The following GDPD2 variants were observed in gnomAD, a reference collection of about 807,000 sequenced individuals.
GDPD2 encodes glycerophosphodiester phosphodiesterase domain containing 2, also known as glycerophosphodiester phosphodiesterase 3.
Under a neutral mutation model 49.2 loss-of-function variants are expected in GDPD2, and 23 were observed. The observed-to-expected ratio is 0.47, with a 90% confidence interval of 0.34 to 0.66. The LOEUF (loss-of-function observed/expected upper bound fraction) is 0.66, where lower values mean the gene tolerates loss of function less well. Among genes scored for constraint, GDPD2 ranks in the 30% least tolerant of loss-of-function variants. The pLI is 0.01. For missense variants in GDPD2, 338 were observed against 424.7 expected, an observed-to-expected ratio of 0.80 and a Z score of 1.79; for synonymous variants, 167 against 171.4, an observed-to-expected ratio of 0.97 and a Z score of 0.20.
At chrX:70,432,546 T>A (rs934808429) in intron 13 of GDPD2, 33 bp from the exon 14 acceptor site, 2 of 1,165,443 alleles carry the variant, frequency 1.7e-6, no homozygotes, top group Non-Finnish European at 2.3e-6. Flanking sequence ...TCCCCTGACA[T>A]TCTACCCTTG....
Position 70,433,111 on chromosome X carries a change from A to T in GDPD2, c.*25A>T. The T allele has an allele frequency of 8.8e-7, 1 of 1,130,748 alleles. No individual in the cohort carries two copies. The highest frequency in any genetic ancestry group is 1.2e-6 in the Non-Finnish European group (1 of 824,928). The allele number at this position is 1,130,748 out of a possible 1,213,427, so 93.2% of individuals were successfully genotyped here. A position where few individuals can be genotyped will look rare whatever the true frequency, so the allele number is the denominator to read the frequency against. Reference sequence around the variant, plus strand: ...AATGCCCTGCCCTGCTTCCCCACCCAAGCCAGTCTACATTGCCCAAACAGC... The same window carrying T: ...AATGCCCTGCCCTGCTTCCCCACCCTAGCCAGTCTACATTGCCCAAACAGC... On this transcript the variant is annotated 3_prime_UTR_variant, in exon 16 of 16. Transcript: ENST00000374382.
chrX:70,425,984 G>A (rs2086419686), intron 4 of GDPD2, 68 bp from the exon 5 acceptor site: 1 of 990,742 alleles, frequency 1.0e-6, no homozygotes. Context: ...TACCAGCCTG[G>A]GAAGCCCACC....
intron 5 of GDPD2, 52 bp downstream of exon 5, chrX:70,426,163 T>G: frequency 9.6e-7 from 1 of 1,045,571 alleles, no homozygotes; most frequent in African/African-American, 1.8e-5. Flanking sequence ...GCTCAGCACT[T>G]GGCTGGCTAT....
intron 12 of GDPD2, chrX:70,431,003 G>T: frequency 2.0e-6 from 1 of 510,600 alleles, no homozygotes; most frequent in Non-Finnish European, 3.3e-6. Context: ...GCCCAGGCTG[G>T]TCTCAAACTA....
intron 5 of GDPD2, 81 bp from the exon 6 acceptor site, chrX:70,426,290 C>T (rs2086422970): frequency 2.3e-6 from 2 of 887,863 alleles, no homozygotes; most frequent in Non-Finnish European, 3.2e-6. Context: ...GGTCGGGTCC[C>T]ATCTCTATAG....
rs750390154 is a variant in GDPD2 at position 70,429,730 on chromosome X, C to A, written c.1158+16C>A. The A allele has an allele frequency of 8.9e-6, 10 of 1,125,408 alleles. No homozygotes were observed. The South Asian group carries it at 1.5e-4, about 17-fold the overall frequency. 92.7% of individuals were successfully genotyped at this position (1,125,408 alleles called of 1,213,427 possible). On this transcript the variant is annotated intron_variant, in intron 11 of 15. Coordinates refer to ENST00000374382, the MANE Select transcript of GDPD2 (RefSeq NM_017711.4). ...CCAAGCCATGGTGATGTTGCCAGGA[C>A]CCCCTCTCCCCACCCTGCCTTCCCT... is the stretch of plus-strand genomic sequence containing the variant.
intron 12 of GDPD2, 79 bp from the exon 13 acceptor site, chrX:70,432,228 A>C: frequency 1.1e-6 from 1 of 895,215 alleles, no homozygotes. Context: ...TGTAGATTCA[A>C]GCACAGGCAG....
chrX:70,426,197 C>T (rs1032929360), intron 5 of GDPD2, 86 bp downstream of exon 5: 20 of 903,781 alleles, frequency 2.2e-5, no homozygotes, highest in Non-Finnish European at 2.6e-5. Context: ...CACTTTTATA[C>T]CCCCGGGGGG....
intron 1 of GDPD2, among the ~76,000 whole-genome samples, chrX:70,424,622 C>T (rs981916078): frequency 8.9e-6 from 1 of 112,232 alleles, no homozygotes; most frequent in African/African-American, 3.2e-5. Flanking sequence ...AGTTCTTACC[C>T]CCAGGGCAAG....
intron 5 of GDPD2, 23 bp from the exon 6 acceptor site, chrX:70,426,348 C>T (rs1224039280): frequency 1.7e-6 from 2 of 1,195,826 alleles, no homozygotes; most frequent in Non-Finnish European, 2.3e-6. Flanking sequence ...ACCAAGAGGC[C>T]TCATTCATCC....
chrX:70,429,480 T>C lies in GDPD2; in HGVS notation c.937-13T>C, dbSNP rs1417716772. 3 of 1,128,415 alleles carry C rather than the reference T, an allele frequency of 2.7e-6. No individual in the cohort carries two copies. Among genetic ancestry groups the C allele is most frequent in the Non-Finnish European group, 2.4e-6 (2 of 827,025 alleles). 93.0% of individuals were successfully genotyped at this position (1,128,415 alleles called of 1,213,427 possible). A position where few individuals can be genotyped will look rare whatever the true frequency, so the allele number is the denominator to read the frequency against. ...GCCTCTTCTGGTCTTGAAATAATTG[T>C]TCTTTCTTATAGAGGCGACCCTTCT... On this transcript the variant is annotated splice_polypyrimidine_tract_variant and intron_variant, in intron 10 of 15. Coordinates refer to ENST00000374382, the MANE Select transcript of GDPD2 (RefSeq NM_017711.4).
chrX:70,426,347 C>A lies in GDPD2; in HGVS notation c.364-24C>A, dbSNP rs770450000. ...CCATGAGCCCAAATTGACCAAGAGG[C>A]CTCATTCATCCCTGGCCCCCCAGGT... On this transcript the variant is annotated intron_variant, in intron 5 of 15. Transcript: ENST00000374382. 3.4e-6 allele frequency: 4 copies of A among 1,186,557 alleles called. No homozygotes were observed. The South Asian group carries it at 7.2e-5, about 21-fold the overall frequency.
intron 12 of GDPD2, among the ~76,000 whole-genome samples, chrX:70,431,332 G>A (rs1569261793): frequency 8.9e-6 from 1 of 112,544 alleles, no homozygotes; most frequent in South Asian, 3.6e-4. Flanking sequence ...GCCAAATCTA[G>A]CAAGATGAAA....
Position 70,433,295 on chromosome X carries a change from C to G in GDPD2, c.*209C>G. The G allele has an allele frequency of 2.3e-6, 1 of 427,970 alleles. No homozygotes were observed. The highest frequency in any genetic ancestry group is 4.1e-6 in the Non-Finnish European group (1 of 245,652). The allele number at this position is 427,970 out of a possible 1,213,427, so 35.3% of individuals were successfully genotyped here. On this transcript the variant is annotated 3_prime_UTR_variant, in exon 16 of 16. Coordinates refer to ENST00000374382, the MANE Select transcript of GDPD2 (RefSeq NM_017711.4). ...AATCTGCTCCCTTTGGGGTTTTGACCTGAGATGTTTGGGAAGAGAGTGAGT... is the reference window on the plus strand; with the variant it reads ...AATCTGCTCCCTTTGGGGTTTTGACGTGAGATGTTTGGGAAGAGAGTGAGT...
rs749913367 is a variant in GDPD2, at chrX:70,426,983, G to A, written c.674G>A (p.Gly225Glu). The A allele has an allele frequency of 1.7e-6, 2 of 1,211,242 alleles. No individual in the cohort carries two copies. The highest frequency in any genetic ancestry group is 4.3e-5 in the Admixed American group (2 of 46,071). ...CCCAGAGACTTACCACCCAAGCCTG[G>A]GCTGGTGGGACACCGAGGGGCCCCC... is the stretch of plus-strand genomic sequence containing the variant. Reference protein sequence around the residue: ...MEPRDLPPKPGLVGHRGAPML... With the variant: ...MEPRDLPPKPELVGHRGAPML... The change falls in exon 8 of 16, where the codon GGG becomes GAG. Residue 225 changes from glycine (G) to glutamate (E), a missense_variant. Gly to Glu is a moderately conservative substitution (Grantham distance 98). Around this residue, in one of 3 missense-constraint regions of GDPD2, gnomAD observed 253 missense variants for 330.4 expected, o/e 0.77. Coordinates refer to ENST00000374382, the MANE Select transcript of GDPD2 (RefSeq NM_017711.4).
At chrX:70,426,024 CA>C (rs2086420196) in intron 4 of GDPD2, 27 bp from the exon 5 acceptor site, 1 of 1,183,347 alleles carries the variant, frequency 8.5e-7, no homozygotes, top group Middle Eastern at 2.3e-4. Flanking sequence ...CTTGGCACCC[CA>C]TAAGTCCCAC....
rs763085110 is a variant in GDPD2, at chrX:70,432,309, C to T, written c.1310C>T (p.Ala437Val). 1.4e-5 allele frequency: 17 copies of T among 1,202,601 alleles called. No homozygotes were observed. The South Asian group carries it at 2.8e-4, about 20-fold the overall frequency. ...YQDLPLLDIK[A>V]LHKDNVSVNL... ...TATTTTCTTTCCCACCTTCACAGGG[C>T]ATTGCATAAGGATAATGTCTCGGTG... is the stretch of plus-strand genomic sequence containing the variant. The change falls in exon 13 of 16, where the codon GCA becomes GTA. Residue 437 changes from alanine to valine, a missense_variant and splice_region_variant. Physicochemically the swap from Ala to Val is moderately conservative, Grantham distance 64. Around this residue, in one of 3 missense-constraint regions of GDPD2, gnomAD observed 253 missense variants for 330.4 expected, o/e 0.77. Coordinates refer to ENST00000374382, the MANE Select transcript of GDPD2 (RefSeq NM_017711.4).
At chrX:70,426,318 C>A in intron 5 of GDPD2, 53 bp from the exon 6 acceptor site, 1 of 1,067,482 alleles carries the variant, frequency 9.4e-7, no homozygotes, top group Non-Finnish European at 1.3e-6. Flanking sequence ...GAGCAGCTCA[C>A]CAACCATGAG....
chrX:70,430,990 C>A, intron 12 of GDPD2: 1 of 458,847 alleles, frequency 2.2e-6, no homozygotes, highest in Non-Finnish European at 3.7e-6. Context: ...GTTCCTACTA[C>A]CTGCCCAGGC....
Sources: allele counts gnomAD v4.1 joint callset (sites outside exome capture counted in the v4.1 genomes callset), GRCh38; gene constraint gnomAD v4.1.1; regional missense constraint gnomAD v4.1.1; transcripts MANE v1.5; gene names NCBI Gene and HGNC (gene_info 2026-07-23, HGNC 2026-07-21).